The following PAPOLA variants were observed in gnomAD, a reference collection of about 807,000 sequenced individuals.
PAPOLA encodes the protein polynucleotide adenylyltransferase alpha.
PAPOLA carries 15 observed loss-of-function variants against 100.6 expected under a neutral mutation model. The observed-to-expected ratio is 0.15, with a 90% CI of 0.10 to 0.23. The LOEUF is 0.23. PAPOLA is among the 10% of genes least tolerant of loss of function. PAPOLA has a pLI of 1.00. For synonymous variants in PAPOLA, 293 were observed against 300.0 expected, an observed-to-expected ratio of 0.98 and a Z score of 0.24; for missense variants, 533 against 884.2, an observed-to-expected ratio of 0.60 and a Z score of 5.04.
intron 15 of PAPOLA, among the ~76,000 whole-genome samples, chr14:96,545,038 G>A (rs1211646101): frequency 1.3e-5 from 2 of 152,020 alleles, no homozygotes; most frequent in Admixed American, 6.6e-5. Flanking sequence ...AGGGACAACC[G>A]CATTTCTTCT....
chr14:96,535,133 GT>G, intron 10 of PAPOLA: 4 of 966,246 alleles, frequency 4.1e-6, no homozygotes, highest in Non-Finnish European at 4.9e-6. Flanking sequence ...CATTTTAAAT[GT>G]TAACAACATG....
intron 17 of PAPOLA, among the ~76,000 whole-genome samples, chr14:96,555,022 GAA>G (rs929915180): frequency 6.6e-6 from 1 of 151,996 alleles, no homozygotes; most frequent in African/African-American, 2.4e-5. Flanking sequence ...AAATGAGAGA[GAA>G]ACTTCGGGGG....
At chr14:96,538,483 G>A (rs1555394211) in intron 12 of PAPOLA, among the ~76,000 whole-genome samples, 1 of 151,904 alleles carries the variant, frequency 6.6e-6, no homozygotes, top group Non-Finnish European at 1.5e-5. Context: ...GATAGTACCT[G>A]TAAGTTCTTT....
chr14:96,541,552 G>T (rs1371204809), intron 12 of PAPOLA, among the ~76,000 whole-genome samples: 2 of 152,092 alleles, frequency 1.3e-5, no homozygotes, highest in African/African-American at 2.4e-5. Flanking sequence ...GTTTTAAAAA[G>T]ACTTCATTAT....
intron 6 of PAPOLA, among the ~76,000 whole-genome samples, chr14:96,530,570 G>A (rs964874497): frequency 2.0e-4 from 31 of 151,460 alleles, no homozygotes; most frequent in Non-Finnish European, 2.1e-4. Context: ...AATTTTTTTT[G>A]TAGAGATGGA....
intron 21 of PAPOLA, 103 bp from the exon 22 acceptor site, chr14:96,564,852 T>C: frequency 3.0e-6 from 2 of 672,286 alleles, no homozygotes; most frequent in East Asian, 2.5e-5. Flanking sequence ...TGTAATACTT[T>C]TCTTCTTAGA....
intron 15 of PAPOLA, chr14:96,547,568 C>G (rs1566860068): frequency 2.8e-6 from 1 of 359,950 alleles, no homozygotes; most frequent in Admixed American, 4.5e-5. Flanking sequence ...TAAAGGGTTA[C>G]TACACTGGAA....
At position 96,532,246 on chromosome 14, in the gene PAPOLA, T is replaced by A. The variant is rs1204919485; in HGVS notation, c.608-85T>A. The stretch of plus-strand genomic sequence containing the variant: ...TTTGGAAGCATTACCATTAAACTTT[T>A]GATGATTTAATGTTGTTTTTTTTTG... On this transcript the variant is annotated intron_variant, in intron 7 of 21. Transcript: ENST00000216277. 11 of 1,463,538 alleles carry A rather than the reference T, an allele frequency of 7.5e-6. No homozygotes were observed. In the East Asian group the frequency reaches 1.2e-4, roughly 16 times the overall value. 90.7% of individuals were successfully genotyped at this position (1,463,538 alleles called of 1,614,324 possible).
At chr14:96,528,470 G>A (rs1321328014) in intron 6 of PAPOLA, among the ~76,000 whole-genome samples, 1 of 152,210 alleles carries the variant, frequency 6.6e-6, no homozygotes, top group Non-Finnish European at 1.5e-5. Flanking sequence ...TGCTTTCGGT[G>A]TGTGTAATTA....
intron 1 of PAPOLA, among the ~76,000 whole-genome samples, chr14:96,513,336 C>T (rs80117650): frequency 0.013 from 1,968 of 152,168 alleles, 19 homozygotes; most frequent in South Asian, 0.04. Flanking sequence ...CCCAAAGTGA[C>T]GGGATTACAG....
At chr14:96,530,461 A>G (rs1898900562) in intron 6 of PAPOLA, among the ~76,000 whole-genome samples, 1 of 147,988 alleles carries the variant, frequency 6.8e-6, no homozygotes, top group East Asian at 2.0e-4. Flanking sequence ...ATCACAGTTC[A>G]CTGTAGCCTC....
chr14:96,544,975 T>A (rs1390989220), intron 15 of PAPOLA, among the ~76,000 whole-genome samples: 1 of 151,972 alleles, frequency 6.6e-6, no homozygotes, highest in African/African-American at 2.4e-5. Flanking sequence ...GTTGAGAGAA[T>A]GAGTCTATAT....
intron 1 of PAPOLA, among the ~76,000 whole-genome samples, chr14:96,519,616 T>G (rs1897774223): frequency 6.6e-6 from 1 of 152,190 alleles, no homozygotes; most frequent in Non-Finnish European, 1.5e-5. Flanking sequence ...TTTGTTTAAG[T>G]TTTTGCTATT....
intron 4 of PAPOLA, 83 bp from the exon 5 acceptor site, chr14:96,527,347 C>T: frequency 2.5e-6 from 2 of 812,760 alleles, no homozygotes; most frequent in Non-Finnish European, 4.1e-6. Context: ...AACAGATTCT[C>T]AACATCAAAT....
chr14:96,562,201 A>G (rs78443431), intron 20 of PAPOLA, among the ~76,000 whole-genome samples: 6,955 of 151,590 alleles, frequency 0.046, 232 homozygotes, highest in South Asian at 0.11. Flanking sequence ...CTATATTTTT[A>G]TTTTCATTTA....
chr14:96,526,020 T>C (rs1898443537), intron 4 of PAPOLA: 1 of 152,202 alleles, frequency 6.6e-6, no homozygotes, highest in Non-Finnish European at 1.5e-5. Flanking sequence ...AATACCTTTA[T>C]AGACAAATTA....
intron 7 of PAPOLA, chr14:96,531,800 G>A (rs951000404): frequency 1.3e-5 from 19 of 1,434,564 alleles, no homozygotes; most frequent in Non-Finnish European, 1.5e-5. Flanking sequence ...TGTCATTAAT[G>A]GTATACTCAG....
intron 16 of PAPOLA, among the ~76,000 whole-genome samples, chr14:96,551,051 A>G (rs1269270768): frequency 1.3e-5 from 2 of 152,102 alleles, no homozygotes; most frequent in Non-Finnish European, 2.9e-5. Flanking sequence ...TTTCTGTAGT[A>G]TGTTCTTTGT....
intron 1 of PAPOLA, among the ~76,000 whole-genome samples, chr14:96,517,735 G>C (rs944899283): frequency 4.5e-5 from 4 of 88,286 alleles, no homozygotes; most frequent in Non-Finnish European, 8.4e-5. Flanking sequence ...ATGGAGTTTT[G>C]CTCTGTTGCC....
Sources: gnomAD v4.1 joint callset for allele counts (sites outside exome capture counted in the v4.1 genomes callset) on GRCh38, gnomAD v4.1.1 for gene constraint, MANE v1.5 for transcripts, NCBI Gene and HGNC (gene_info 2026-07-23, HGNC 2026-07-21) for gene names.